Variants in SOX5 observed in about 807,000 individuals in gnomAD.
The protein encoded by SOX5 is SRY-box transcription factor 5.
SOX5 carries 9 observed loss-of-function variants against 92.0 expected under a neutral mutation model. That is an observed-to-expected ratio of 0.10 (90% CI 0.06 to 0.17). The LOEUF is 0.17. Ranked by LOEUF, SOX5 falls within the 10% of genes least tolerant of loss-of-function variation. SOX5 has a pLI of 1.00. For missense variants in SOX5, 642 were observed against 944.5 expected (o/e 0.68, Z 4.20); for synonymous variants, 344 against 336.3 (o/e 1.02, Z -0.25).
chr12:23,948,737 A>G (rs765619290), intron 1 of SOX5, among the ~76,000 whole-genome samples: 2 of 152,166 alleles, frequency 1.3e-5, no homozygotes, highest in Non-Finnish European at 2.9e-5. Flanking sequence ...ATGTGTACTT[A>G]TAGGAACATT....
chr12:23,564,825 ACT>A (rs779289266), intron 10 of SOX5, among the ~76,000 whole-genome samples: 4 of 152,052 alleles, frequency 2.6e-5, no homozygotes, highest in Non-Finnish European at 5.9e-5. Context: ...GTATTGCTAG[ACT>A]CTTCTATCTG....
intron 2 of SOX5, among the ~76,000 whole-genome samples, chr12:24,319,465 G>C (rs1950006280): frequency 6.6e-6 from 1 of 152,094 alleles, no homozygotes; most frequent in South Asian, 2.1e-4. Context: ...TCTCCTTTAT[G>C]TCCCATAATC....
intron 1 of SOX5, among the ~76,000 whole-genome samples, chr12:24,480,719 A>G (rs1428837478): frequency 1.3e-5 from 2 of 152,162 alleles, no homozygotes; most frequent in Non-Finnish European, 2.9e-5. Flanking sequence ...ATATCATCTT[A>G]CCCCAGTTAA....
At chr12:23,705,462 T>G (rs2091264047) in intron 6 of SOX5, among the ~76,000 whole-genome samples, 2 of 151,926 alleles carry the variant, frequency 1.3e-5, no homozygotes, top group Admixed American at 1.3e-4. Context: ...CCTTTATCTT[T>G]CTAATGTTGA....
At chr12:24,102,965 T>C (rs1012440515) in intron 4 of SOX5, among the ~76,000 whole-genome samples, 4 of 152,198 alleles carry the variant, frequency 2.6e-5, no homozygotes, top group African/African-American at 9.6e-5. Flanking sequence ...ATGACAAGGT[T>C]GCCTTAGCAG....
At chr12:24,028,730 G>A (rs1955164187) in intron 4 of SOX5, among the ~76,000 whole-genome samples, 1 of 151,986 alleles carries the variant, frequency 6.6e-6, no homozygotes, top group African/African-American at 2.4e-5. Flanking sequence ...AATAATGAAT[G>A]TATGCCTCTG....
chr12:24,514,552 G>C (rs1949604204), intron 1 of SOX5, among the ~76,000 whole-genome samples: 2 of 151,970 alleles, frequency 1.3e-5, no homozygotes, highest in African/African-American at 4.8e-5. Context: ...CCCACTACTG[G>C]GTATATACCC....
At chr12:24,461,910 T>A (rs1001246071) in intron 1 of SOX5, among the ~76,000 whole-genome samples, 1 of 152,316 alleles carries the variant, frequency 6.6e-6, no homozygotes, top group Admixed American at 6.5e-5. Flanking sequence ...CTAACCCAGC[T>A]CAGTTATTAA....
intron 1 of SOX5, among the ~76,000 whole-genome samples, chr12:24,533,321 G>A (rs980008371): frequency 6.6e-6 from 1 of 152,166 alleles, no homozygotes; most frequent in African/African-American, 2.4e-5. Flanking sequence ...GGATATGGAA[G>A]ATAATTTGAT....
At chr12:23,564,375 A>C (rs1040412506) in intron 10 of SOX5, among the ~76,000 whole-genome samples, 1 of 152,170 alleles carries the variant, frequency 6.6e-6, no homozygotes, top group African/African-American at 2.4e-5. Context: ...CTCTCTCCCT[A>C]TCTTTTAACT....
At chr12:24,346,414 G>A (rs1261081764) in intron 2 of SOX5, among the ~76,000 whole-genome samples, 2 of 151,740 alleles carry the variant, frequency 1.3e-5, no homozygotes, top group African/African-American at 4.8e-5. Context: ...CAAATGGATA[G>A]GTCTTCTTCA....
rs1386116375 is a variant in SOX5, at chr12:24,506,782, G to GTTTTTTTTTTTTTTTTT, written c.-251+55546_-251+55547insAAAAAAAAAAAAAAAAA. On this transcript the variant is annotated intron_variant, in intron 1 of 4. Transcript: ENST00000446891. ...ACCTGTATTTCATGGTATCCAAATG[G>GTTTTTTTTTTTTTTTTT]TCTTTTTTTTTTTTTTTTTTTTTTG... Among the ~76,000 whole-genome samples the GTTTTTTTTTTTTTTTTT allele has an allele frequency of 1.1e-3, 87 of 80,268 alleles. 6 individuals are homozygous for GTTTTTTTTTTTTTTTTT. The highest frequency in any genetic ancestry group is 1.9e-3 in the African/African-American group (37 of 19,448). 52.7% of individuals were successfully genotyped at this position (80,268 alleles called of 152,430 possible).
chr12:24,516,279 C>T (rs1213246156), intron 1 of SOX5, among the ~76,000 whole-genome samples: 1 of 152,064 alleles, frequency 6.6e-6, no homozygotes, highest in African/African-American at 2.4e-5. Flanking sequence ...GACTCCTGGC[C>T]TCAAGCAATC....
chr12:24,397,872 CAG>C (rs1321233570), intron 1 of SOX5, among the ~76,000 whole-genome samples: 2 of 151,514 alleles, frequency 1.3e-5, no homozygotes, highest in Admixed American at 6.7e-5. Flanking sequence ...TATTTTGAGA[CAG>C]AGTCTTGCTG....
intron 6 of SOX5, among the ~76,000 whole-genome samples, chr12:23,716,627 C>A (rs1041582458): frequency 1.3e-5 from 2 of 152,128 alleles, no homozygotes; most frequent in Non-Finnish European, 2.9e-5. Flanking sequence ...TAAGAGGAAG[C>A]ACAAGAGGAA....
At chr12:24,164,495 T>G (rs1309359837) in intron 4 of SOX5, among the ~76,000 whole-genome samples, 1 of 152,094 alleles carries the variant, frequency 6.6e-6, no homozygotes, top group African/African-American at 2.4e-5. Context: ...TTTAACTGTA[T>G]GCCCTGTGAA....
At chr12:24,516,179 A>C (rs941580996) in intron 1 of SOX5, among the ~76,000 whole-genome samples, 2 of 151,768 alleles carry the variant, frequency 1.3e-5, no homozygotes, top group African/African-American at 4.8e-5. Flanking sequence ...GGTACTTAGG[A>C]CTACAAGCAT....
intron 9 of SOX5, among the ~76,000 whole-genome samples, chr12:23,586,730 T>C (rs2137023692): frequency 6.6e-6 from 1 of 151,960 alleles, no homozygotes; most frequent in East Asian, 1.9e-4. Flanking sequence ...AAAAATTTGC[T>C]TTTTTGATTA....
intron 1 of SOX5, among the ~76,000 whole-genome samples, chr12:24,396,793 C>G (rs1240207331): frequency 6.6e-6 from 1 of 152,156 alleles, no homozygotes; most frequent in Non-Finnish European, 1.5e-5. Context: ...TTGGTGAGCA[C>G]CAAGATGCTT....
Sources: allele counts gnomAD v4.1 joint callset (sites outside exome capture counted in the v4.1 genomes callset), GRCh38; gene constraint gnomAD v4.1.1; transcripts MANE v1.5; gene names NCBI Gene and HGNC (gene_info 2026-07-23, HGNC 2026-07-21).